Variants in KPNA7 observed in about 807,000 individuals in gnomAD.
KPNA7 encodes importin subunit alpha-8.
A neutral mutation model predicts 53.7 loss-of-function variants in KPNA7; 54 were observed. The observed-to-expected ratio is 1.01, with a 90% CI of 0.81 to 1.26. KPNA7 has a LOEUF of 1.26. Ranked by LOEUF, KPNA7 falls within the 50% of genes most tolerant of loss-of-function variation. The pLI is 0.00. For synonymous variants in KPNA7, 276 were observed against 259.3 expected, an observed-to-expected ratio of 1.06 and a Z score of -0.62; for missense variants, 640 against 644.5, an observed-to-expected ratio of 0.99 and a Z score of 0.07.
intron 7 of KPNA7, among the ~76,000 whole-genome samples, chr7:99,186,514 G>A (rs529569671): frequency 1.1e-4 from 16 of 152,260 alleles, no homozygotes; most frequent in South Asian, 8.3e-4. Context: ...AGGCCGAGGC[G>A]GATGGATCAC....
At chr7:99,178,226 A>C (rs186018107) in intron 9 of KPNA7, among the ~76,000 whole-genome samples, 160 bp from the exon 10 acceptor site, 1 of 152,258 alleles carries the variant, frequency 6.6e-6, no homozygotes, top group African/African-American at 2.4e-5. Context: ...TTGGTTGAAA[A>C]TTACATGATC....
chr7:99,181,826 T>G (rs886529697), intron 9 of KPNA7, 57 bp downstream of exon 9: 1 of 1,374,074 alleles, frequency 7.3e-7, no homozygotes, highest in Non-Finnish European at 9.7e-7. Flanking sequence ...CCACATTAAA[T>G]GCTTGTATCC....
chr7:99,154,765 A>G, the KPNA7 span, among the ~76,000 whole-genome samples: 1 of 151,466 alleles, frequency 6.6e-6, no homozygotes, highest in Admixed American at 6.6e-5. Flanking sequence ...GACCTCATGA[A>G]CCGCCCACCT....
chr7:99,152,056 C>T, the KPNA7 span, among the ~76,000 whole-genome samples: 154 of 152,158 alleles, frequency 1.0e-3, 1 homozygote, highest in Middle Eastern at 3.4e-3. Context: ...TGGTGGCACA[C>T]GCCTGTAGTC....
intron 1 of KPNA7, among the ~76,000 whole-genome samples, chr7:99,217,914 A>G (rs1791253523): frequency 6.6e-6 from 1 of 152,128 alleles, no homozygotes; most frequent in Non-Finnish European, 1.5e-5. Flanking sequence ...TACAGGCGTG[A>G]GCCTCCATGC....
intron 8 of KPNA7, among the ~76,000 whole-genome samples, chr7:99,184,387 G>A (rs941411372): frequency 6.6e-5 from 10 of 151,974 alleles, no homozygotes; most frequent in African/African-American, 1.7e-4. Context: ...GGTCTCAAAC[G>A]CCTGAACTCA....
downstream of KPNA7, among the ~76,000 whole-genome samples, chr7:99,173,421 G>A (rs1300344206): frequency 6.6e-6 from 1 of 152,152 alleles, no homozygotes; most frequent in East Asian, 1.9e-4. Context: ...TCAAACTCCT[G>A]ACCTCAGGTG....
chr7:99,184,397 A>C (rs1188329938), intron 8 of KPNA7, among the ~76,000 whole-genome samples: 2 of 152,072 alleles, frequency 1.3e-5, no homozygotes, highest in African/African-American at 2.4e-5. Flanking sequence ...GCCTGAACTC[A>C]ATCTATCCAC....
the KPNA7 span, among the ~76,000 whole-genome samples, chr7:99,149,465 T>C: frequency 6.6e-6 from 1 of 152,246 alleles, no homozygotes; most frequent in African/African-American, 2.4e-5. Context: ...TGAAAGTTAT[T>C]GGTGAGGCTT....
the KPNA7 span, among the ~76,000 whole-genome samples, chr7:99,160,017 G>GGTTT: frequency 1.5e-5 from 1 of 67,644 alleles, no homozygotes; most frequent in Non-Finnish European, 2.8e-5. Flanking sequence ...TGTTGTTTTT[G>GGTTT]TTTTTTTTTT....
chr7:99,154,007 TCCCCTC>T, the KPNA7 span, among the ~76,000 whole-genome samples: 9 of 151,888 alleles, frequency 5.9e-5, no homozygotes, highest in African/African-American at 1.5e-4. Flanking sequence ...ATTGTTATGA[TCCCCTC>T]CCCCTCCCAA....
At chr7:99,189,983 G>T (rs1262926685) in intron 6 of KPNA7, among the ~76,000 whole-genome samples, 1 of 152,072 alleles carries the variant, frequency 6.6e-6, no homozygotes, top group African/African-American at 2.4e-5. Context: ...CACAGCAGCT[G>T]CTTCTTGGTC....
chr7:99,175,740 C>T (rs1377727834), intron 10 of KPNA7, among the ~76,000 whole-genome samples: 1 of 151,846 alleles, frequency 6.6e-6, no homozygotes, highest in African/African-American at 2.4e-5. Flanking sequence ...TCTTGAACTC[C>T]TAACCTCGTG....
intron 6 of KPNA7, 77 bp from the exon 7 acceptor site, chr7:99,188,640 C>T: frequency 7.3e-7 from 1 of 1,361,734 alleles, no homozygotes; most frequent in African/African-American, 1.4e-5. Flanking sequence ...TTACCATTTC[C>T]AATCAATACC....
At chr7:99,176,325 G>GA (rs1247181287) in intron 10 of KPNA7, among the ~76,000 whole-genome samples, 6 of 113,650 alleles carry the variant, frequency 5.3e-5, no homozygotes, top group African/African-American at 1.6e-4. Context: ...AAGAAAGAAA[G>GA]AAAGAAAAGA....
chr7:99,180,461 C>A (rs1211954056), intron 9 of KPNA7, among the ~76,000 whole-genome samples: 1 of 152,044 alleles, frequency 6.6e-6, no homozygotes, highest in Non-Finnish European at 1.5e-5. Flanking sequence ...AGGATCACAG[C>A]ACTCCAACCT....
the KPNA7 span, among the ~76,000 whole-genome samples, chr7:99,160,008 G>GTTGTTTTTGTT: frequency 8.6e-6 from 1 of 116,698 alleles, no homozygotes; most frequent in Non-Finnish European, 1.7e-5. Context: ...TTTCTCCTCT[G>GTTGTTTTTGTT]TTGTTTTTGT....
At chr7:99,214,785 A>G (rs912644992) in intron 1 of KPNA7, among the ~76,000 whole-genome samples, 12 of 137,132 alleles carry the variant, frequency 8.8e-5, no homozygotes, top group African/African-American at 3.3e-4. Flanking sequence ...GGCCACCACT[A>G]TGGGTGGCAC....
At chr7:99,181,388 C>A (rs1340317002) in intron 9 of KPNA7, among the ~76,000 whole-genome samples, 1 of 152,188 alleles carries the variant, frequency 6.6e-6, no homozygotes, top group Non-Finnish European at 1.5e-5. Context: ...ACAGCAGGGA[C>A]TTTGCATTGT....
Sources: allele counts gnomAD v4.1 joint callset (sites outside exome capture counted in the v4.1 genomes callset), GRCh38; gene constraint gnomAD v4.1.1; transcripts MANE v1.5; gene names NCBI Gene and HGNC (gene_info 2026-07-23, HGNC 2026-07-21).